The following CADPS2 variants were observed in gnomAD, a reference collection of about 807,000 sequenced individuals.
CADPS2 encodes calcium dependent secretion activator 2.
A neutral mutation model predicts 172.5 loss-of-function variants in CADPS2; 93 were observed. The ratio of observed to expected loss-of-function variants is 0.54; its 90% CI spans 0.46 to 0.64. The LOEUF is 0.64. Among genes scored for constraint, CADPS2 ranks in the 30% least tolerant of loss-of-function variants. The pLI is 0.00. For synonymous variants in CADPS2, 546 were observed against 555.2 expected (o/e 0.98, Z 0.23); for missense variants, 1,420 against 1,565.9 (o/e 0.91, Z 1.57).
intron 1 of CADPS2, among the ~76,000 whole-genome samples, chr7:122,752,200 C>T (rs1367219840): frequency 6.6e-6 from 1 of 152,140 alleles, no homozygotes; most frequent in Non-Finnish European, 1.5e-5. Flanking sequence ...CATTACCTAA[C>T]ATTAGTTTCT....
At position 122,407,676 on chromosome 7, in the gene CADPS2, A is replaced by G; in HGVS notation, c.2610T>C (p.Asp870=). The change falls in exon 20 of 30, where the codon GAT becomes GAC. Residue 870 remains aspartate, a synonymous_variant. Transcript: ENST00000449022. ...ATTTCTCTGCATGTTCAGCCAATAA[A>G]TCAGGCCACCAGGCAAATGCCTACA... ...EGREAFAWWP[D]LLAEHAEKFW... The G allele has an allele frequency of 1.2e-6, 2 of 1,610,676 alleles. No individual in the cohort carries two copies. The highest frequency in any genetic ancestry group is 1.7e-6 in the Non-Finnish European group (2 of 1,178,376).
intron 2 of CADPS2, among the ~76,000 whole-genome samples, chr7:122,684,740 A>G (rs2083445169): frequency 6.6e-6 from 1 of 152,156 alleles, no homozygotes; most frequent in Non-Finnish European, 1.5e-5. Flanking sequence ...AAGCCAAACC[A>G]TTACATGTTC....
chr7:122,884,431 T>C (rs934744202), intron 1 of CADPS2, among the ~76,000 whole-genome samples: 9 of 152,084 alleles, frequency 5.9e-5, no homozygotes, highest in Admixed American at 5.9e-4. Context: ...AAAACTTACC[T>C]GAGTAATGGT....
chr7:122,732,837 A>G (rs1192211593), intron 2 of CADPS2, among the ~76,000 whole-genome samples: 1 of 144,068 alleles, frequency 6.9e-6, no homozygotes, highest in Non-Finnish European at 1.5e-5. Flanking sequence ...TATAATATAC[A>G]TTATATATGC....
intron 14 of CADPS2, among the ~76,000 whole-genome samples, chr7:122,455,584 A>G (rs1311586214): frequency 1.3e-5 from 2 of 152,144 alleles, no homozygotes; most frequent in Non-Finnish European, 2.9e-5. Context: ...GAGGAAATGA[A>G]TGAGTAATAT....
chr7:122,476,766 T>A (rs1389531994), intron 12 of CADPS2, among the ~76,000 whole-genome samples: 4 of 152,148 alleles, frequency 2.6e-5, no homozygotes, highest in African/African-American at 4.8e-5. Context: ...GAAAGTGAAA[T>A]GTGTTCTTAG....
intron 7 of CADPS2, among the ~76,000 whole-genome samples, chr7:122,577,181 T>C (rs1255650973): frequency 6.6e-6 from 1 of 152,114 alleles, no homozygotes; most frequent in Non-Finnish European, 1.5e-5. Flanking sequence ...TCCCTAGCCA[T>C]GCAGAACTGA....
chr7:122,451,325 T>C (rs772651373), intron 15 of CADPS2, 49 bp downstream of exon 15: 27 of 996,468 alleles, frequency 2.7e-5, no homozygotes, highest in Non-Finnish European at 3.4e-5. Context: ...GAAGTAAGGG[T>C]TGAGTAAAGT....
At chr7:122,817,739 C>G (rs1271275616) in intron 1 of CADPS2, among the ~76,000 whole-genome samples, 1 of 152,008 alleles carries the variant, frequency 6.6e-6, no homozygotes, top group Non-Finnish European at 1.5e-5. Flanking sequence ...TTCTCCTTCA[C>G]TCTTAGCGGC....
At chr7:122,803,481 C>T (rs1430581691) in intron 1 of CADPS2, among the ~76,000 whole-genome samples, 1 of 152,124 alleles carries the variant, frequency 6.6e-6, no homozygotes, top group Non-Finnish European at 1.5e-5. Context: ...GCCTCTGTGA[C>T]ACAGAGCTTG....
In CADPS2 at chr7:122,475,744, T is replaced by C. The variant is rs945200797; in HGVS notation, c.1862-1227A>G. On this transcript the variant is annotated intron_variant, in intron 12 of 29. Coordinates refer to ENST00000449022, the MANE Select transcript of CADPS2 (RefSeq NM_017954.11). ...TCTTCAGAATCACACTAAAAAATGA[T>C]ACACAAACTAATGTACATCTCACAT... Among the ~76,000 whole-genome samples the C allele has an allele frequency of 2.0e-5, 3 of 152,138 alleles. No homozygotes were observed. The South Asian group carries it at 6.2e-4, about 32-fold the overall frequency.
At chr7:122,769,514 A>G (rs1311847431) in intron 1 of CADPS2, among the ~76,000 whole-genome samples, 1 of 152,242 alleles carries the variant, frequency 6.6e-6, no homozygotes, top group African/African-American at 2.4e-5. Context: ...ATGACAGCCA[A>G]GTTTCAAAGC....
Position 122,319,382 on chromosome 7 carries a change from T to A in CADPS2, c.*783A>T, listed in dbSNP as rs566053989. ...CTGCATTTGCTCTATATAAGTCTAA[T>A]AAATACAGAAGTAGTTATGAGCAAA... On this transcript the variant is annotated 3_prime_UTR_variant, in exon 30 of 30. Transcript: ENST00000449022. The A allele has an allele frequency of 7.9e-5, 12 of 152,186 alleles. 1 individual carries two copies. Among genetic ancestry groups the A allele is most frequent in the Admixed American group, 7.9e-4 (12 of 15,278 alleles). The allele number at this position is 152,186 out of a possible 1,614,324, so 9.4% of individuals were successfully genotyped here.
chr7:122,328,155 A>ACACACACACACACG (rs767336458), intron 28 of CADPS2, among the ~76,000 whole-genome samples: 5 of 150,776 alleles, frequency 3.3e-5, no homozygotes, highest in Non-Finnish European at 5.9e-5. Context: ...ACACACACAC[A>ACACACACACACACG]CACACGCACG....
At chr7:122,492,139 C>T (rs1586594153) in intron 9 of CADPS2, among the ~76,000 whole-genome samples, 2 of 151,722 alleles carry the variant, frequency 1.3e-5, no homozygotes, top group East Asian at 3.9e-4. Context: ...GCCATTGCAC[C>T]CCAGCCTGGA....
intron 27 of CADPS2, among the ~76,000 whole-genome samples, chr7:122,347,285 C>T (rs2037818331): frequency 6.6e-6 from 1 of 152,002 alleles, no homozygotes; most frequent in African/African-American, 2.4e-5. Flanking sequence ...GAGTTCTTGC[C>T]ATTTTTTTTT....
intron 1 of CADPS2, among the ~76,000 whole-genome samples, chr7:122,737,593 C>G (rs1420569600): frequency 6.6e-6 from 1 of 152,112 alleles, no homozygotes; most frequent in East Asian, 1.9e-4. Flanking sequence ...CAAATTTCTA[C>G]CCCAAATTTC....
chr7:122,754,345 T>G (rs2093070434), intron 1 of CADPS2, among the ~76,000 whole-genome samples: 1 of 152,178 alleles, frequency 6.6e-6, no homozygotes, highest in South Asian at 2.1e-4. Flanking sequence ...TTGAAGGAAT[T>G]TGATAAATAA....
intron 6 of CADPS2, among the ~76,000 whole-genome samples, chr7:122,594,558 T>G (rs1300107761): frequency 1.3e-5 from 2 of 152,018 alleles, no homozygotes; most frequent in Non-Finnish European, 2.9e-5. Context: ...ATTCATGCCA[T>G]TAAACCACCA....
Sources: allele counts gnomAD v4.1 joint callset (sites outside exome capture counted in the v4.1 genomes callset), GRCh38; gene constraint gnomAD v4.1.1; transcripts MANE v1.5; gene names NCBI Gene and HGNC (gene_info 2026-07-23, HGNC 2026-07-21).